Variants in FLT3 observed in about 807,000 individuals in gnomAD.
FLT3 encodes the protein receptor-type tyrosine-protein kinase FLT3.
Under a neutral mutation model 126.6 loss-of-function variants are expected in FLT3, and 46 were observed. The observed-to-expected ratio is 0.36, with a 90% CI of 0.29 to 0.46. The LOEUF (loss-of-function observed/expected upper bound fraction) is 0.46. FLT3 is among the 20% of genes least tolerant of loss of function. FLT3 has a pLI of 1.00. For synonymous variants in FLT3, 404 were observed against 434.4 expected, an observed-to-expected ratio of 0.93 and a Z score of 0.87; for missense variants, 1,069 against 1,190.3, an observed-to-expected ratio of 0.90 and a Z score of 1.50.
Position 28,072,840 on chromosome 13 carries a change from T to G in FLT3, c.44-2228A>C, listed in dbSNP as rs1369800974. On this transcript the variant is annotated intron_variant, in intron 1 of 23. Coordinates refer to ENST00000241453, the MANE Select transcript of FLT3 (RefSeq NM_004119.3). Reference sequence around the variant, plus strand: ...AACGTGGTGAAACCCCGTCTCTACCTAAAAAAATACAAAAATTAGCCGGGC... The same window carrying G: ...AACGTGGTGAAACCCCGTCTCTACCGAAAAAAATACAAAAATTAGCCGGGC... Among the ~76,000 whole-genome samples the G allele has an allele frequency of 5.3e-5, 8 of 150,982 alleles. No homozygotes were observed. In the East Asian group the frequency reaches 1.6e-3, roughly 30 times the overall value.
At chr13:28,079,456 C>T (rs1878179248) in intron 1 of FLT3, among the ~76,000 whole-genome samples, 3 of 152,204 alleles carry the variant, frequency 2.0e-5, no homozygotes, top group South Asian at 2.1e-4. Context: ...GTTCCAAAGA[C>T]ACTTCCACAT....
rs191212556 is a variant in FLT3 at position 28,089,825 on chromosome 13, C to A, written c.43+10643G>T. Among the ~76,000 whole-genome samples, 934 of 151,474 alleles carry A rather than the reference C, an allele frequency of 6.2e-3. 17 individuals are homozygous for A. The highest frequency in any genetic ancestry group is 0.02 in the Middle Eastern group (6 of 294). On this transcript the variant is annotated intron_variant, in intron 1 of 23. Transcript: ENST00000241453. ...TCTTGGCTCACTGCAACCTCCACCTCCTGGGTTCAAGCAATTCTCCTGCCT... is the reference window on the plus strand; with the variant it reads ...TCTTGGCTCACTGCAACCTCCACCTACTGGGTTCAAGCAATTCTCCTGCCT...
chr13:28,098,902 T>C (rs1200451277), intron 1 of FLT3, among the ~76,000 whole-genome samples: 1 of 152,064 alleles, frequency 6.6e-6, no homozygotes, highest in Non-Finnish European at 1.5e-5. Flanking sequence ...AGTTCAAACA[T>C]AGGCAAAAGC....
At chr13:28,072,004 C>T (rs1271403711) in intron 1 of FLT3, among the ~76,000 whole-genome samples, 1 of 151,986 alleles carries the variant, frequency 6.6e-6, no homozygotes, top group East Asian at 1.9e-4. Context: ...CAAAGTTTTA[C>T]TTTCTCCTTC....
chr13:28,031,739 G>T (rs965479463), intron 15 of FLT3, among the ~76,000 whole-genome samples: 2 of 152,182 alleles, frequency 1.3e-5, no homozygotes, highest in African/African-American at 4.8e-5. Flanking sequence ...TGGGTGGGAG[G>T]ACAGTGCTGG....
intron 1 of FLT3, among the ~76,000 whole-genome samples, chr13:28,090,496 G>A (rs1878964672): frequency 6.6e-6 from 1 of 152,118 alleles, no homozygotes; most frequent in African/African-American, 2.4e-5. Flanking sequence ...TTAAAAAGCT[G>A]GCCAGATGCG....
intron 1 of FLT3, among the ~76,000 whole-genome samples, chr13:28,089,537 A>C (rs1430358782): frequency 2.0e-5 from 3 of 152,100 alleles, no homozygotes; most frequent in Non-Finnish European, 4.4e-5. Context: ...CAGAAAGAAA[A>C]AATTACTGAT....
At chr13:28,028,698 A>AAAAT (rs1356711581) in intron 15 of FLT3, among the ~76,000 whole-genome samples, 88 of 152,284 alleles carry the variant, frequency 5.8e-4, no homozygotes, top group African/African-American at 1.9e-3. Context: ...ACTCCATCTT[A>AAAAT]AAATAAATAA....
chr13:28,095,524 T>C lies in FLT3; in HGVS notation c.43+4944A>G, dbSNP rs1593312765. ...CTCTTGACCTCGTGATCTGCCCACCTTGGCCTCCCAAAGTGCTGGGATTAC... is the reference window on the plus strand; with the variant it reads ...CTCTTGACCTCGTGATCTGCCCACCCTGGCCTCCCAAAGTGCTGGGATTAC... On this transcript the variant is annotated intron_variant, in intron 1 of 23. Transcript: ENST00000241453. Among the ~76,000 whole-genome samples the C allele has an allele frequency of 2.0e-5, 3 of 152,188 alleles. No homozygotes were observed. In the South Asian group the frequency reaches 6.2e-4, roughly 32 times the overall value.
chr13:28,064,982 G>C (rs1876886109), intron 2 of FLT3, among the ~76,000 whole-genome samples: 1 of 152,002 alleles, frequency 6.6e-6, no homozygotes, highest in South Asian at 2.1e-4. Context: ...CACACCAGGG[G>C]GTACTATGTA....
chr13:28,061,940 CT>C lies in FLT3; in HGVS notation c.294del (p.Asn100ThrfsTer13). On this transcript the variant is annotated frameshift_variant, in exon 3 of 24. Transcript: ENST00000241453. LOFTEE classifies it high-confidence loss of function. ...SITLQVLVDA[P>X]GNISCLWVFK... ...AAGACCCAGAGACAGGAAATGTTCC[CT>C]GGGGCGTCGACCAGCACTTGCAGTG... 1 of 1,614,020 alleles carries C rather than the reference CT, an allele frequency of 6.2e-7. No homozygotes were observed. The highest frequency in any genetic ancestry group is 8.5e-7 in the Non-Finnish European group (1 of 1,179,952).
At chr13:28,013,248 A>G (rs1871551734) in intron 23 of FLT3, among the ~76,000 whole-genome samples, 1 of 152,200 alleles carries the variant, frequency 6.6e-6, no homozygotes, top group African/African-American at 2.4e-5. Context: ...ACTCATAACA[A>G]TTTAGAAAGG....
intron 1 of FLT3, among the ~76,000 whole-genome samples, chr13:28,095,284 CT>C (rs997844320): frequency 1.1e-4 from 17 of 149,470 alleles, no homozygotes; most frequent in African/African-American, 2.2e-4. Context: ...TTTCCCCTCT[CT>C]TTTTTTTTTG....
chr13:28,056,691 C>T (rs1245821377), intron 4 of FLT3, among the ~76,000 whole-genome samples: 2 of 152,204 alleles, frequency 1.3e-5, no homozygotes, highest in African/African-American at 4.8e-5. Flanking sequence ...GTCTAGCACG[C>T]ATGTGGGCCC....
intron 9 of FLT3, among the ~76,000 whole-genome samples, chr13:28,042,615 T>C (rs1232569730): frequency 2.6e-5 from 4 of 152,164 alleles, no homozygotes; most frequent in African/African-American, 9.7e-5. Flanking sequence ...AATGAGGTAA[T>C]ACACCTATAG....
intron 18 of FLT3, among the ~76,000 whole-genome samples, chr13:28,023,904 T>C (rs1235921456): frequency 1.3e-5 from 2 of 151,844 alleles, no homozygotes; most frequent in African/African-American, 2.4e-5. Flanking sequence ...GCTTCCCGAG[T>C]AGCTGGGACT....
At chr13:28,041,609 T>C (rs1267818312) in intron 9 of FLT3, among the ~76,000 whole-genome samples, 1 of 152,204 alleles carries the variant, frequency 6.6e-6, no homozygotes, top group Non-Finnish European at 1.5e-5. Flanking sequence ...GGCTTTAAAC[T>C]GCCTTTCCTC....
intron 1 of FLT3, among the ~76,000 whole-genome samples, chr13:28,089,916 T>C (rs1878923618): frequency 6.6e-6 from 1 of 151,488 alleles, no homozygotes; most frequent in South Asian, 2.1e-4. Context: ...TATATATATT[T>C]TTTTAGTAGA....
At chr13:28,058,227 A>T (rs1169626765) in intron 3 of FLT3, among the ~76,000 whole-genome samples, 1 of 150,318 alleles carries the variant, frequency 6.7e-6, no homozygotes, top group Non-Finnish European at 1.5e-5. Context: ...AAACAAAAAA[A>T]AAAACGGCCA....
Sources: allele counts gnomAD v4.1 joint callset (sites outside exome capture counted in the v4.1 genomes callset), GRCh38; gene constraint gnomAD v4.1.1; transcripts MANE v1.5; gene names NCBI Gene and HGNC (gene_info 2026-07-23, HGNC 2026-07-21).